Variants in SEC24A observed in about 807,000 individuals in gnomAD.
SEC24A encodes the protein protein transport protein Sec24A.
Under a neutral mutation model 129.4 loss-of-function variants are expected in SEC24A, and 93 were observed. The observed-to-expected ratio is 0.72, with a 90% CI of 0.61 to 0.85. SEC24A has a LOEUF of 0.85. Ranked by LOEUF, SEC24A falls within the 40% of genes least tolerant of loss-of-function variation. The pLI, the probability that SEC24A is intolerant of heterozygous loss-of-function variation, is 0.00. For synonymous variants in SEC24A, 460 were observed against 467.3 expected (o/e 0.98, Z 0.20); for missense variants, 1,264 against 1,307.4 (o/e 0.97, Z 0.51).
chr5:134,658,490 C>T (rs991201179), intron 1 of SEC24A, among the ~76,000 whole-genome samples: 2 of 152,142 alleles, frequency 1.3e-5, no homozygotes, highest in East Asian at 3.8e-4. Flanking sequence ...AGTCAAACTC[C>T]TGGGCTCAAG....
rs527580691 is a variant in SEC24A at position 134,706,078 on chromosome 5, G to A, written c.2551+641G>A. Among the ~76,000 whole-genome samples the A allele has an allele frequency of 2.6e-5, 4 of 152,172 alleles. No individual in the cohort carries two copies. The South Asian group carries it at 8.3e-4, about 32-fold the overall frequency. On this transcript the variant is annotated intron_variant, in intron 17 of 22. Coordinates refer to ENST00000398844, the MANE Select transcript of SEC24A (RefSeq NM_021982.3). Reference sequence around the variant, plus strand: ...AATTTTTGTATTTTTAGTAGAGACAGGGTTTCTTCATGTGGTCGGGCTGGT... The same window carrying A: ...AATTTTTGTATTTTTAGTAGAGACAAGGTTTCTTCATGTGGTCGGGCTGGT...
At chr5:134,669,456 G>A (rs1375142021) in intron 3 of SEC24A, among the ~76,000 whole-genome samples, 1 of 151,444 alleles carries the variant, frequency 6.6e-6, no homozygotes, top group African/African-American at 2.4e-5. Flanking sequence ...GTGAGCCACT[G>A]TGCCCGGCAG....
At chr5:134,692,189 G>A (rs776200068) in intron 11 of SEC24A, among the ~76,000 whole-genome samples, 62 of 151,364 alleles carry the variant, frequency 4.1e-4, no homozygotes, top group Non-Finnish European at 7.7e-4. Flanking sequence ...TGGGACTATA[G>A]GCATGTACCA....
chr5:134,666,967 C>G lies in SEC24A; in HGVS notation c.710C>G (p.Pro237Arg), dbSNP rs772442936. 4.4e-6 allele frequency: 7 copies of G among 1,583,134 alleles called. 1 individual carries two copies. In the South Asian group the frequency reaches 8.1e-5, roughly 18 times the overall value. Reference protein sequence around the residue: ...LTSSYRDVPQPLFNSAVNQEG... With the variant: ...LTSSYRDVPQRLFNSAVNQEG... ...TCATCATATAGAGATGTACCCCAGC[C>G]CTTATTTAATTCAGCTGTCAACCAA... Residue 237 changes from proline to arginine, a missense_variant, in exon 3 of 23, where the codon CCC becomes CGC. Transcript: ENST00000398844.
rs192402816 is a variant in SEC24A, at chr5:134,718,134, G to A, written c.2931G>A (p.Lys977=). 2 of 1,614,110 alleles carry A rather than the reference G, an allele frequency of 1.2e-6. No individual in the cohort carries two copies. Among genetic ancestry groups the A allele is most frequent in the East Asian group, 2.2e-5 (1 of 44,880 alleles). Residue 977 remains lysine (K), a synonymous_variant, in exon 20 of 23, where the codon AAG becomes AAA. Transcript: ENST00000398844. ...CCATTCTTCAGCTTTCAGTGGAGAA[G>A]CTGAGCAGAGATGGAGCTTTCCTCA... ...QPPILQLSVE[K]LSRDGAFLMD... is the part of the protein sequence containing the mutation.
chr5:134,682,610 A>G lies in SEC24A; in HGVS notation c.1491+128A>G, dbSNP rs571973651. ...AGACAGAGTTTCACTCTCATTGCCC[A>G]TGCTGGAGTGCAGTGGTGCAGTGGC... On this transcript the variant is annotated intron_variant, in intron 9 of 22. Coordinates refer to ENST00000398844, the MANE Select transcript of SEC24A (RefSeq NM_021982.3). 8.3e-5 allele frequency: 43 copies of G among 516,028 alleles called. No homozygotes were observed. In the South Asian group the frequency reaches 8.7e-4, roughly 10 times the overall value. The allele number at this position is 516,028 out of a possible 1,614,324, so 32.0% of individuals were successfully genotyped here. A position where few individuals can be genotyped will look rare whatever the true frequency, so the allele number is the denominator to read the frequency against.
Position 134,661,395 on chromosome 5 carries a change from G to A in SEC24A, c.374G>A (p.Ser125Asn). The A allele has an allele frequency of 6.2e-7, 1 of 1,614,182 alleles. No homozygotes were observed. Among genetic ancestry groups the A allele is most frequent in the Non-Finnish European group, 8.5e-7 (1 of 1,180,038 alleles). The change falls in exon 2 of 23, where the codon AGC becomes AAC. Residue 125 changes from serine (S) to asparagine (N), a missense_variant. Physicochemically the swap from Ser to Asn is conservative, Grantham distance 46. Coordinates refer to ENST00000398844, the MANE Select transcript of SEC24A (RefSeq NM_021982.3). ...NPATTPMPSS[S>N]FLPEANLPPP... ...GCTACTACACCAATGCCTTCTAGTA[G>A]CTTTCTTCCTGAAGCCAACCTGCCA...
chr5:134,688,144 A>C, intron 10 of SEC24A, 37 bp from the exon 11 acceptor site: 1 of 1,177,060 alleles, frequency 8.5e-7, no homozygotes, highest in Non-Finnish European at 1.3e-6. Context: ...GTATGTGGTT[A>C]AAACTTGATA....
At chr5:134,654,388 A>G (rs1005947498) in intron 1 of SEC24A, among the ~76,000 whole-genome samples, 1 of 151,548 alleles carries the variant, frequency 6.6e-6, no homozygotes, top group Non-Finnish European at 1.5e-5. Context: ...TGCTCAGCTA[A>G]TTTTTGTATA....
chr5:134,701,651 C>T (rs958369368), intron 15 of SEC24A, among the ~76,000 whole-genome samples: 1 of 152,048 alleles, frequency 6.6e-6, no homozygotes, highest in Non-Finnish European at 1.5e-5. Flanking sequence ...GCTGGGATTA[C>T]AGGCACGTGC....
chr5:134,684,280 G>A lies in SEC24A; in HGVS notation c.1491+1798G>A, dbSNP rs548789195. On this transcript the variant is annotated intron_variant, in intron 9 of 22. Transcript: ENST00000398844. ...GTTGCGCCACCACACCCCAGCCTGG[G>A]CAAAAGAGCGAAACTCCATCTCAAA... Among the ~76,000 whole-genome samples, 20 of 146,624 alleles carry A rather than the reference G, an allele frequency of 1.4e-4. No homozygotes were observed. In the East Asian group the frequency reaches 3.8e-3, roughly 28 times the overall value.
intron 15 of SEC24A, among the ~76,000 whole-genome samples, chr5:134,699,399 T>C (rs913596477): frequency 1.3e-5 from 2 of 150,994 alleles, no homozygotes; most frequent in Admixed American, 6.6e-5. Context: ...CCTGGGTTCA[T>C]GCCATTCTCC....
chr5:134,692,472 C>T, intron 11 of SEC24A, 130 bp from the exon 12 acceptor site: 1 of 578,722 alleles, frequency 1.7e-6, no homozygotes, highest in South Asian at 2.2e-5. Context: ...CACATGTAAA[C>T]AGTGCTATAA....
intron 1 of SEC24A, among the ~76,000 whole-genome samples, chr5:134,650,611 C>T (rs1750015348): frequency 6.6e-6 from 1 of 151,442 alleles, no homozygotes; most frequent in Admixed American, 6.6e-5. Flanking sequence ...TCTTGGCTCA[C>T]TGCAACCTCT....
At position 134,694,578 on chromosome 5, in the gene SEC24A, C is replaced by T. The variant is rs1448578902; in HGVS notation, c.1986+645C>T. Among the ~76,000 whole-genome samples, 5 of 151,510 alleles carry T rather than the reference C, an allele frequency of 3.3e-5. No individual in the cohort carries two copies. In the South Asian group the frequency reaches 6.2e-4, roughly 19 times the overall value. On this transcript the variant is annotated intron_variant, in intron 13 of 22. Transcript: ENST00000398844. ...AGGAGAATGGCGTGAACCCGGGAGG[C>T]GGAGCTTGCAGTGAGCTGAGATTGC...
At chr5:134,723,898 A>G (rs1218467041) in intron 22 of SEC24A, among the ~76,000 whole-genome samples, 2 of 152,202 alleles carry the variant, frequency 1.3e-5, no homozygotes, top group Admixed American at 6.5e-5. Flanking sequence ...TGATACATGT[A>G]TACATTGTGG....
At position 134,661,229 on chromosome 5, in the gene SEC24A, G is replaced by T; in HGVS notation, c.208G>T (p.Val70Phe). The T allele has an allele frequency of 1.9e-6, 3 of 1,614,136 alleles. No individual in the cohort carries two copies. The highest frequency in any genetic ancestry group is 2.5e-6 in the Non-Finnish European group (3 of 1,180,018). The change falls in exon 2 of 23, where the codon GTC (valine) becomes TTC (phenylalanine). Residue 70 changes from valine (V) to phenylalanine (F), a missense_variant. By Grantham distance (50) the Val-to-Phe change is conservative (BLOSUM62 -1). Coordinates refer to ENST00000398844, the MANE Select transcript of SEC24A (RefSeq NM_021982.3). ...HPIPAKTLNP[V>F]SGQSNYGGSQ... ...AATACCAGCAAAGACTTTGAATCCAGTCTCTGGACAGTCTAACTATGGTGG... is the reference window on the plus strand; with the variant it reads ...AATACCAGCAAAGACTTTGAATCCATTCTCTGGACAGTCTAACTATGGTGG...
At chr5:134,688,039 T>C in intron 10 of SEC24A, 142 bp from the exon 11 acceptor site, 1 of 670,706 alleles carries the variant, frequency 1.5e-6, no homozygotes, top group Admixed American at 2.9e-5. Flanking sequence ...TGGTAAACGT[T>C]GGGTGGTTTA....
chr5:134,655,921 C>T (rs946826687), intron 1 of SEC24A, among the ~76,000 whole-genome samples: 3 of 151,402 alleles, frequency 2.0e-5, no homozygotes, highest in African/African-American at 7.3e-5. Context: ...TTTTCTCTCT[C>T]CTCCTTAAAT....
Sources: gnomAD v4.1 joint callset for allele counts (sites outside exome capture counted in the v4.1 genomes callset) on GRCh38, gnomAD v4.1.1 for gene constraint, MANE v1.5 for transcripts, NCBI Gene and HGNC (gene_info 2026-07-23, HGNC 2026-07-21) for gene names.